COL15A1: variants seen among roughly 807,000 people sequenced by gnomAD.
COL15A1 encodes the protein collagen alpha-1(XV) chain.
A neutral mutation model predicts 165.9 loss-of-function variants in COL15A1; 111 were observed. The ratio of observed to expected loss-of-function variants is 0.67; its 90% CI spans 0.57 to 0.78. The LOEUF (loss-of-function observed/expected upper bound fraction) is 0.78, where lower values mean the gene tolerates loss of function less well. Ranked by LOEUF, COL15A1 falls within the 30% of genes least tolerant of loss-of-function variation. The pLI is 0.00. For missense variants in COL15A1, 1,745 were observed against 1,789.7 expected, an observed-to-expected ratio of 0.98 and a Z score of 0.45; for synonymous variants, 659 against 674.8, an observed-to-expected ratio of 0.98 and a Z score of 0.36.
chr9:99,062,723 G>A (rs1008636599), intron 38 of COL15A1, among the ~76,000 whole-genome samples: 18 of 152,146 alleles, frequency 1.2e-4, no homozygotes, highest in African/African-American at 3.1e-4. Context: ...TATCATCCCC[G>A]TTTTGCAGAT....
At chr9:98,984,029 GC>G (rs1838269769) in intron 2 of COL15A1, among the ~76,000 whole-genome samples, 1 of 152,214 alleles carries the variant, frequency 6.6e-6, no homozygotes, top group East Asian at 1.9e-4. Flanking sequence ...GTTCTCAGTG[GC>G]CTCTGGCCTT....
chr9:99,003,644 TTGGG>T, intron 8 of COL15A1, 57 bp downstream of exon 8: 1 of 1,441,858 alleles, frequency 6.9e-7, no homozygotes, highest in African/African-American at 1.4e-5. Context: ...GTGGGTTGTG[TTGGG>T]TGGGAGCAGT....
intron 31 of COL15A1, among the ~76,000 whole-genome samples, chr9:99,052,727 G>C (rs1839611854): frequency 6.6e-6 from 1 of 152,164 alleles, no homozygotes; most frequent in Non-Finnish European, 1.5e-5. Flanking sequence ...TTCCTTACTT[G>C]GTATGATCTG....
In COL15A1 at chr9:99,023,213, A is replaced by C; in HGVS notation, c.1762-144A>C. On this transcript the variant is annotated intron_variant, in intron 13 of 41. Transcript: ENST00000375001. Reference sequence around the variant, plus strand: ...GTAGCTGTAGAGGGGAGTGGGAGAAAAGTCAGAGAGAAAACGGGGAGCAGA... The same window carrying C: ...GTAGCTGTAGAGGGGAGTGGGAGAACAGTCAGAGAGAAAACGGGGAGCAGA... 2.8e-6 allele frequency: 3 copies of C among 1,060,850 alleles called. No individual in the cohort carries two copies. The South Asian group carries it at 6.0e-5, about 21-fold the overall frequency. 65.7% of individuals were successfully genotyped at this position (1,060,850 alleles called of 1,614,324 possible).
chr9:99,034,751 G>A (rs1046220422), intron 17 of COL15A1, among the ~76,000 whole-genome samples, 167 bp downstream of exon 17: 3 of 152,142 alleles, frequency 2.0e-5, no homozygotes, highest in Non-Finnish European at 4.4e-5. Flanking sequence ...CAGAACAGCT[G>A]GGGATGGTGG....
chr9:99,012,304 A>AACAC (rs1838858455), intron 9 of COL15A1, among the ~76,000 whole-genome samples: 1 of 152,238 alleles, frequency 6.6e-6, no homozygotes, highest in African/African-American at 2.4e-5. Context: ...TGTACACATA[A>AACAC]ACACACACAT....
At chr9:98,964,210 C>T (rs1328009079) in intron 2 of COL15A1, among the ~76,000 whole-genome samples, 1 of 151,554 alleles carries the variant, frequency 6.6e-6, no homozygotes, top group African/African-American at 2.4e-5. Flanking sequence ...CCCCTCCCAC[C>T]CCCCCATTCT....
intron 38 of COL15A1, 40 bp downstream of exon 38, chr9:99,062,344 A>T: frequency 2.1e-6 from 3 of 1,457,622 alleles, no homozygotes; most frequent in Non-Finnish European, 2.9e-6. Context: ...GCATTCATTT[A>T]TCAGCATTTC....
chr9:98,968,302 C>T (rs1254218771), intron 2 of COL15A1, among the ~76,000 whole-genome samples: 1 of 152,228 alleles, frequency 6.6e-6, no homozygotes, highest in Non-Finnish European at 1.5e-5. Context: ...TAACAAACGA[C>T]CACAAACTGA....
At chr9:98,952,459 G>A (rs1400000131) in intron 2 of COL15A1, among the ~76,000 whole-genome samples, 1 of 152,070 alleles carries the variant, frequency 6.6e-6, no homozygotes, top group African/African-American at 2.4e-5. Context: ...CAAAAGTTGT[G>A]CATTTATCTT....
chr9:99,020,417 G>C lies in COL15A1; in HGVS notation c.1676G>C (p.Gly559Ala). ...PAQREHVGMK[G>A]QAGPKGEKGD... ...CAAAGAGAACATGTGGGAATGAAAG[G>C]ACAGGCTGGGCCCAAAGGAGAAAAG... The change falls in exon 12 of 42, where the codon GGA becomes GCA. Residue 559 changes from glycine to alanine, a missense_variant. Physicochemically the swap from Gly to Ala is moderately conservative, Grantham distance 60 (BLOSUM62 0). Coordinates refer to ENST00000375001, the MANE Select transcript of COL15A1 (RefSeq NM_001855.5). The C allele has an allele frequency of 6.2e-7, 1 of 1,613,664 alleles. No individual in the cohort carries two copies. Among genetic ancestry groups the C allele is most frequent in the Non-Finnish European group, 8.5e-7 (1 of 1,179,572 alleles).
chr9:99,021,492 A>G (rs1839026422), intron 12 of COL15A1, among the ~76,000 whole-genome samples: 1 of 152,048 alleles, frequency 6.6e-6, no homozygotes, highest in South Asian at 2.1e-4. Flanking sequence ...GCCCTTTTTG[A>G]CAGCCAAAAC....
intron 6 of COL15A1, 132 bp downstream of exon 6, chr9:98,997,213 C>A: frequency 9.0e-7 from 1 of 1,113,122 alleles, no homozygotes; most frequent in Non-Finnish European, 1.3e-6. Flanking sequence ...AGGGTGAGAA[C>A]CACCCTCATT....
chr9:99,066,543 A>G (rs1205733743), intron 39 of COL15A1, among the ~76,000 whole-genome samples: 1 of 145,916 alleles, frequency 6.9e-6, no homozygotes, highest in Non-Finnish European at 1.5e-5. Context: ...CTGCAGGTGG[A>G]TTCCGAGATT....
intron 40 of COL15A1, 129 bp downstream of exon 40, chr9:99,067,196 T>A: frequency 1.3e-6 from 1 of 782,724 alleles, no homozygotes; most frequent in Non-Finnish European, 2.0e-6. Context: ...ACTGGCTATG[T>A]CACTTTGGGT....
rs1838759588 is a variant in COL15A1, at chr9:99,006,215, G to A, written c.1353+1165G>A. Among the ~76,000 whole-genome samples the A allele has an allele frequency of 2.0e-5, 3 of 152,150 alleles. No individual in the cohort carries two copies. In the South Asian group the frequency reaches 6.2e-4, roughly 31 times the overall value. On this transcript the variant is annotated intron_variant, in intron 9 of 41. Coordinates refer to ENST00000375001, the MANE Select transcript of COL15A1 (RefSeq NM_001855.5). ...ACTCTCCCCATTCTTGTCCTCAAAA[G>A]GCCTCATCATCATTGTAGTTGATAA...
At chr9:98,992,383 C>A (rs373133603) in intron 5 of COL15A1, among the ~76,000 whole-genome samples, 1 of 152,240 alleles carries the variant, frequency 6.6e-6, no homozygotes. Context: ...TCGGTGGCAC[C>A]GGCTGGCCGC....
chr9:98,978,529 G>C (rs1454048590), intron 2 of COL15A1, among the ~76,000 whole-genome samples: 1 of 152,222 alleles, frequency 6.6e-6, no homozygotes, highest in Non-Finnish European at 1.5e-5. Context: ...AGAAAGCAGA[G>C]CTCTCAGTAG....
chr9:99,058,699 T>A (rs1355972708), intron 35 of COL15A1, among the ~76,000 whole-genome samples: 1 of 152,218 alleles, frequency 6.6e-6, no homozygotes, highest in Non-Finnish European at 1.5e-5. Flanking sequence ...GATATTATTA[T>A]AAAATTCATC....
Sources: allele counts gnomAD v4.1 joint callset (sites outside exome capture counted in the v4.1 genomes callset), GRCh38; gene constraint gnomAD v4.1.1; transcripts MANE v1.5; gene names NCBI Gene and HGNC (gene_info 2026-07-23, HGNC 2026-07-21).